The following REC114 variants were observed in gnomAD, a reference collection of about 807,000 sequenced individuals.
REC114 encodes REC114 meiotic recombination protein.
A neutral mutation model predicts 31.3 loss-of-function variants in REC114; 27 were observed. That is an observed-to-expected ratio of 0.86 (90% CI 0.64 to 1.19). The LOEUF is 1.19. Among genes scored for constraint, REC114 ranks in the 50% most tolerant of loss-of-function variants. The probability of loss-of-function intolerance (pLI) is 0.00; values close to 1 mark genes in which losing one functional copy is unlikely to be tolerated. For synonymous variants in REC114, 134 were observed against 127.7 expected, an observed-to-expected ratio of 1.05 and a Z score of -0.33; for missense variants, 344 against 326.9, an observed-to-expected ratio of 1.05 and a Z score of -0.40.
chr15:73,527,195 C>T (rs1894020128), intron 2 of REC114, among the ~76,000 whole-genome samples: 1 of 152,130 alleles, frequency 6.6e-6, no homozygotes, highest in Non-Finnish European at 1.5e-5. Flanking sequence ...CATTCCCAGA[C>T]CTGTGGAATT....
At chr15:73,503,166 G>C (rs1305456613) in intron 2 of REC114, among the ~76,000 whole-genome samples, 1 of 152,130 alleles carries the variant, frequency 6.6e-6, no homozygotes, top group African/African-American at 2.4e-5. Flanking sequence ...AGGCTCTTAG[G>C]TATTTATTCA....
At chr15:73,490,756 A>G (rs1320850862) in intron 2 of REC114, among the ~76,000 whole-genome samples, 2 of 152,158 alleles carry the variant, frequency 1.3e-5, no homozygotes, top group Non-Finnish European at 2.9e-5. Context: ...TGATAAATGT[A>G]TTCAACTATA....
intron 2 of REC114, chr15:73,484,042 C>G (rs1893333167): frequency 6.6e-6 from 1 of 152,256 alleles, no homozygotes; most frequent in Non-Finnish European, 1.5e-5. Context: ...CTTCAATTTT[C>G]TGATTGGGGT....
intron 2 of REC114, among the ~76,000 whole-genome samples, chr15:73,531,637 CCT>C (rs1894083702): frequency 1.3e-5 from 2 of 152,006 alleles, no homozygotes; most frequent in Admixed American, 6.6e-5. Context: ...AGAAATTGGC[CCT>C]CTTTCATTCA....
chr15:73,538,273 A>T (rs1272975260), intron 2 of REC114, among the ~76,000 whole-genome samples: 1 of 152,192 alleles, frequency 6.6e-6, no homozygotes, highest in Non-Finnish European at 1.5e-5. Flanking sequence ...CAAAGACAGT[A>T]TAAAAAAAAT....
intron 4 of REC114, among the ~76,000 whole-genome samples, chr15:73,553,918 T>C (rs1337649435): frequency 6.6e-6 from 1 of 152,218 alleles, no homozygotes; most frequent in Non-Finnish European, 1.5e-5. Context: ...CCCTATTTCT[T>C]AGTAGCTGTG....
chr15:73,447,020 T>A (rs567589491), intron 1 of REC114, among the ~76,000 whole-genome samples: 1 of 152,286 alleles, frequency 6.6e-6, no homozygotes, highest in East Asian at 1.9e-4. Flanking sequence ...ATATTGGGAA[T>A]ATATTTTGGA....
chr15:73,446,165 G>C (rs1035433374), intron 1 of REC114, among the ~76,000 whole-genome samples: 1 of 152,154 alleles, frequency 6.6e-6, no homozygotes, highest in Non-Finnish European at 1.5e-5. Context: ...TTTTGTTCTA[G>C]TGGTATGCTT....
chr15:73,500,975 C>A (rs1441515862), intron 2 of REC114, among the ~76,000 whole-genome samples: 8 of 152,094 alleles, frequency 5.3e-5, no homozygotes. Context: ...AGGGAGGAGT[C>A]ATCTGGCTTA....
At chr15:73,476,158 T>C (rs28855232) in intron 2 of REC114, among the ~76,000 whole-genome samples, 22,837 of 151,572 alleles carry the variant, frequency 0.15, 2,526 homozygotes, top group African/African-American at 0.32. Flanking sequence ...GAACATATCC[T>C]CATTGTTAAG....
intron 2 of REC114, among the ~76,000 whole-genome samples, chr15:73,508,875 T>G (rs1365950473): frequency 3.3e-5 from 5 of 151,620 alleles, no homozygotes; most frequent in African/African-American, 1.2e-4. Flanking sequence ...TCCAAGTCTT[T>G]GCTATTGTGA....
At chr15:73,556,510 A>G in intron 5 of REC114, 119 bp downstream of exon 5, 1 of 833,534 alleles carries the variant, frequency 1.2e-6, no homozygotes, top group Admixed American at 2.9e-5. Flanking sequence ...TTACTCTAAA[A>G]GGTGATAGAG....
intron 2 of REC114, among the ~76,000 whole-genome samples, chr15:73,498,709 TAAAG>T (rs1229773755): frequency 6.6e-6 from 1 of 152,130 alleles, no homozygotes; most frequent in African/African-American, 2.4e-5. Flanking sequence ...AAACCAGAAT[TAAAG>T]AATAAGATCA....
intron 2 of REC114, among the ~76,000 whole-genome samples, chr15:73,514,066 A>C (rs1374613427): frequency 1.3e-5 from 2 of 152,022 alleles, no homozygotes; most frequent in East Asian, 3.9e-4. Flanking sequence ...TTGCAGTTTG[A>C]TCTCAGACTG....
At chr15:73,444,916 T>A (rs958412375) in intron 1 of REC114, among the ~76,000 whole-genome samples, 1 of 152,242 alleles carries the variant, frequency 6.6e-6, no homozygotes, top group Non-Finnish European at 1.5e-5. Flanking sequence ...CATTCATCTC[T>A]TTGTACATCT....
chr15:73,475,922 T>C (rs569376187), intron 2 of REC114, among the ~76,000 whole-genome samples: 46 of 152,308 alleles, frequency 3.0e-4, no homozygotes, highest in African/African-American at 9.9e-4. Context: ...GGTGTAATGT[T>C]TACTGTACCT....
At chr15:73,472,178 A>G (rs1893142311) in intron 1 of REC114, among the ~76,000 whole-genome samples, 1 of 152,220 alleles carries the variant, frequency 6.6e-6, no homozygotes, top group South Asian at 2.1e-4. Flanking sequence ...TAATTCATTG[A>G]CCAGACTGTA....
intron 2 of REC114, among the ~76,000 whole-genome samples, chr15:73,506,902 T>C (rs1473866741): frequency 6.6e-6 from 1 of 152,156 alleles, no homozygotes; most frequent in Non-Finnish European, 1.5e-5. Context: ...TAGAAAACTT[T>C]GGTATATCAA....
At chr15:73,464,814 G>A (rs1261689955) in intron 1 of REC114, among the ~76,000 whole-genome samples, 2 of 152,128 alleles carry the variant, frequency 1.3e-5, no homozygotes, top group Non-Finnish European at 2.9e-5. Flanking sequence ...GGGGGAAAAC[G>A]TCCTACTAGC....
Sources: gnomAD v4.1 joint callset for allele counts (sites outside exome capture counted in the v4.1 genomes callset) on GRCh38, gnomAD v4.1.1 for gene constraint, MANE v1.5 for transcripts, NCBI Gene and HGNC (gene_info 2026-07-23, HGNC 2026-07-21) for gene names.